Variants in CFAP299 observed in about 807,000 individuals in gnomAD.
CFAP299 encodes cilia and flagella associated protein 299.
Under a neutral mutation model 27.0 loss-of-function variants are expected in CFAP299, and 21 were observed. The ratio of observed to expected loss-of-function variants is 0.78; its 90% CI spans 0.55 to 1.12. CFAP299 has a LOEUF of 1.12. Among genes scored for constraint, CFAP299 ranks in the 50% most tolerant of loss-of-function variants. CFAP299 has a pLI of 0.00. For missense variants in CFAP299, 310 were observed against 276.6 expected (o/e 1.12, Z -0.86); for synonymous variants, 104 against 98.1 (o/e 1.06, Z -0.36).
intron 3 of CFAP299, among the ~76,000 whole-genome samples, chr4:80,625,582 A>G (rs1039956640): frequency 4.6e-5 from 7 of 152,032 alleles, no homozygotes; most frequent in Non-Finnish European, 7.4e-5. Flanking sequence ...AAGGTGTAAG[A>G]TAGCTGAATG....
At position 80,606,521 on chromosome 4, in the gene CFAP299, C is replaced by A. The variant is rs539409511; in HGVS notation, c.333+23338C>A. ...TTGCACTCCAGCCTGGGCAACAGAGCGAGAATCTGTTTTTTTAAAAAAAAG... is the reference window on the plus strand; with the variant it reads ...TTGCACTCCAGCCTGGGCAACAGAGAGAGAATCTGTTTTTTTAAAAAAAAG... On this transcript the variant is annotated intron_variant, in intron 3 of 5. Transcript: ENST00000358105. Among the ~76,000 whole-genome samples, 4 of 151,816 alleles carry A rather than the reference C, an allele frequency of 2.6e-5. No individual in the cohort carries two copies. In the South Asian group the frequency reaches 8.3e-4, roughly 32 times the overall value.
At chr4:80,809,851 G>T (rs1309297095) in intron 3 of CFAP299, among the ~76,000 whole-genome samples, 1 of 151,906 alleles carries the variant, frequency 6.6e-6, no homozygotes, top group African/African-American at 2.4e-5. Context: ...AATTGCCTGT[G>T]ACCTCCTCAA....
chr4:80,799,494 A>G (rs1166311821), intron 3 of CFAP299, among the ~76,000 whole-genome samples: 1 of 80,536 alleles, frequency 1.2e-5, no homozygotes, highest in Non-Finnish European at 2.1e-5. Flanking sequence ...AAATATATAT[A>G]ATATATTTTA....
At position 80,740,714 on chromosome 4, in the gene CFAP299, G is replaced by C. The variant is rs150763682; in HGVS notation, c.334-129279G>C. Among the ~76,000 whole-genome samples, 500 of 152,276 alleles carry C rather than the reference G, an allele frequency of 3.3e-3. 3 individuals are homozygous for C. The highest frequency in any genetic ancestry group is 0.011 in the African/African-American group (477 of 41,554). On this transcript the variant is annotated intron_variant, in intron 3 of 5. Transcript: ENST00000358105. Reference sequence around the variant, plus strand: ...AGTCATTTACCTGTTGTTCTATTCTGCTGTGGCTAGGCTGGCATACAAACG... The same window carrying C: ...AGTCATTTACCTGTTGTTCTATTCTCCTGTGGCTAGGCTGGCATACAAACG...
intron 3 of CFAP299, among the ~76,000 whole-genome samples, chr4:80,730,654 A>G (rs1723467756): frequency 6.6e-6 from 1 of 152,178 alleles, no homozygotes. Flanking sequence ...CAATCTCATT[A>G]GGGACCTTGA....
chr4:80,829,852 C>T (rs969955574), intron 3 of CFAP299, among the ~76,000 whole-genome samples: 8 of 151,990 alleles, frequency 5.3e-5, no homozygotes, highest in African/African-American at 1.2e-4. Flanking sequence ...TGTATGATTC[C>T]GCTTATATGA....
At chr4:80,360,422 A>G (rs553301486) in intron 1 of CFAP299, among the ~76,000 whole-genome samples, 2 of 152,192 alleles carry the variant, frequency 1.3e-5, no homozygotes, top group Non-Finnish European at 2.9e-5. Flanking sequence ...GAGTCATGAT[A>G]CTACTTTTGT....
At chr4:80,558,358 G>GTTTTTT (rs1174909337) in intron 2 of CFAP299, among the ~76,000 whole-genome samples, 2 of 121,680 alleles carry the variant, frequency 1.6e-5, no homozygotes, top group African/African-American at 6.6e-5. Context: ...TTGTTTGTTT[G>GTTTTTT]TTTGTTTGTT....
intron 2 of CFAP299, among the ~76,000 whole-genome samples, chr4:80,446,832 T>C (rs1728637906): frequency 6.6e-6 from 1 of 152,244 alleles, no homozygotes; most frequent in Non-Finnish European, 1.5e-5. Flanking sequence ...AATAATAGTT[T>C]CTCAGGAGAT....
At chr4:80,696,593 C>A (rs902122997) in intron 3 of CFAP299, among the ~76,000 whole-genome samples, 2 of 151,918 alleles carry the variant, frequency 1.3e-5, no homozygotes, top group Admixed American at 6.6e-5. Flanking sequence ...AGGAGACAGA[C>A]AATAAACACA....
At chr4:80,786,873 C>G (rs1409678719) in intron 3 of CFAP299, among the ~76,000 whole-genome samples, 1 of 152,012 alleles carries the variant, frequency 6.6e-6, no homozygotes, top group Non-Finnish European at 1.5e-5. Context: ...TTATGTAACT[C>G]AGATTCTCCA....
intron 3 of CFAP299, among the ~76,000 whole-genome samples, chr4:80,858,592 G>A (rs1732090787): frequency 6.6e-6 from 1 of 152,004 alleles, no homozygotes; most frequent in Admixed American, 6.5e-5. Flanking sequence ...GCGTCCCAGG[G>A]ATTCTGGTAT....
chr4:80,950,568 G>A (rs920876965), intron 5 of CFAP299, among the ~76,000 whole-genome samples: 17 of 152,144 alleles, frequency 1.1e-4, no homozygotes, highest in African/African-American at 4.1e-4. Flanking sequence ...GAGGAAGGGT[G>A]TTCTGATAGG....
chr4:80,938,076 A>T (rs1429093325), intron 4 of CFAP299, among the ~76,000 whole-genome samples: 1 of 152,194 alleles, frequency 6.6e-6, no homozygotes, highest in African/African-American at 2.4e-5. Flanking sequence ...TTTATGATAT[A>T]TATCCATTAA....
intron 2 of CFAP299, among the ~76,000 whole-genome samples, chr4:80,555,212 G>A (rs1034269184): frequency 6.6e-6 from 1 of 152,074 alleles, no homozygotes; most frequent in Non-Finnish European, 1.5e-5. Flanking sequence ...GTGAAGGGGT[G>A]TTGAATTTTA....
intron 3 of CFAP299, among the ~76,000 whole-genome samples, chr4:80,621,578 C>T (rs1242783453): frequency 6.6e-6 from 1 of 152,048 alleles, no homozygotes; most frequent in African/African-American, 2.4e-5. Flanking sequence ...TGGATTATCA[C>T]AAATATGGAG....
chr4:80,778,720 TAAAAACTA>T (rs1351856348), intron 3 of CFAP299, among the ~76,000 whole-genome samples: 1 of 152,090 alleles, frequency 6.6e-6, no homozygotes, highest in African/African-American at 2.4e-5. Flanking sequence ...CTACATCTTT[TAAAAACTA>T]AACTTTTTAT....
In CFAP299 at chr4:80,388,400, A is replaced by G. The variant is rs940746777; in HGVS notation, c.242+25516A>G. On this transcript the variant is annotated intron_variant, in intron 2 of 5. Transcript: ENST00000358105. ...ATTGGCAGGAGGCGAGGCCTGCTGGACCGCTGTGGGTGCTGCCGAAGGTGT... is the reference window on the plus strand; with the variant it reads ...ATTGGCAGGAGGCGAGGCCTGCTGGGCCGCTGTGGGTGCTGCCGAAGGTGT... The G allele has an allele frequency of 2.9e-5, 21 of 714,710 alleles. No homozygotes were observed. The African/African-American group carries it at 3.7e-4, about 13-fold the overall frequency. The allele number at this position is 714,710 out of a possible 1,614,324, so 44.3% of individuals were successfully genotyped here. A position where few individuals can be genotyped will look rare whatever the true frequency, so the allele number is the denominator to read the frequency against.
intron 3 of CFAP299, among the ~76,000 whole-genome samples, chr4:80,775,076 A>G (rs1726451514): frequency 1.3e-5 from 2 of 151,278 alleles, no homozygotes; most frequent in Middle Eastern, 3.2e-3. Context: ...AAAAATAAAA[A>G]AAAAAGAAAA....
Sources: gnomAD v4.1 joint callset for allele counts (sites outside exome capture counted in the v4.1 genomes callset) on GRCh38, gnomAD v4.1.1 for gene constraint, MANE v1.5 for transcripts, NCBI Gene and HGNC (gene_info 2026-07-23, HGNC 2026-07-21) for gene names.